NMT2: variants seen among roughly 807,000 people sequenced by gnomAD.
NMT2 encodes the protein glycylpeptide N-tetradecanoyltransferase 2.
NMT2 carries 35 observed loss-of-function variants against 65.4 expected under a neutral mutation model. That is an observed-to-expected ratio of 0.54 (90% CI 0.41 to 0.71). The LOEUF is 0.71. NMT2 is among the 30% of genes least tolerant of loss of function. NMT2 has a pLI of 0.00. For synonymous variants in NMT2, 226 were observed against 231.8 expected, an observed-to-expected ratio of 0.98 and a Z score of 0.23; for missense variants, 489 against 611.3, an observed-to-expected ratio of 0.80 and a Z score of 2.11.
intron 1 of NMT2, among the ~76,000 whole-genome samples, chr10:15,157,742 T>G (rs1317351345): frequency 3.3e-5 from 5 of 152,200 alleles, no homozygotes; most frequent in African/African-American, 1.2e-4. Context: ...AAATGTATGA[T>G]TTTAAAAAAA....
chr10:15,133,067 G>C lies in NMT2; in HGVS notation c.588C>G (p.Pro196=). 1.2e-6 allele frequency: 2 copies of C among 1,613,808 alleles called. No homozygotes were observed. The highest frequency in any genetic ancestry group is 1.7e-6 in the Non-Finnish European group (2 of 1,179,732). ...ATGAGACTTACCACAACAGGAACTCGGGTGAATAGTCAAATCGGAACATAT... is the reference window on the plus strand; with the variant it reads ...ATGAGACTTACCACAACAGGAACTCCGGTGAATAGTCAAATCGGAACATAT... The part of the protein sequence containing the change: ...DDNMFRFDYS[P]EFLLWALRPP... The change falls in exon 5 of 12, where the codon CCC becomes CCG. Residue 196 remains proline (P), a synonymous_variant. Coordinates refer to ENST00000378165, the MANE Select transcript of NMT2 (RefSeq NM_004808.3).
chr10:15,136,735 T>C (rs983137016), intron 2 of NMT2, among the ~76,000 whole-genome samples: 15 of 152,118 alleles, frequency 9.9e-5, no homozygotes, highest in Non-Finnish European at 2.1e-4. Flanking sequence ...TGTTGGAAAC[T>C]GGACTCCTTT....
At chr10:15,130,103 A>G (rs1316397623) in intron 7 of NMT2, 39 bp downstream of exon 7, 2 of 1,393,246 alleles carry the variant, frequency 1.4e-6, no homozygotes, top group Admixed American at 2.7e-5. Flanking sequence ...AACATTTTTG[A>G]TAAAGGGAGG....
At chr10:15,127,095 T>C (rs1846097151) in intron 8 of NMT2, among the ~76,000 whole-genome samples, 1 of 149,600 alleles carries the variant, frequency 6.7e-6, no homozygotes, top group South Asian at 2.1e-4. Flanking sequence ...ATCAGTTGGG[T>C]GTGGTGGCAC....
intron 2 of NMT2, chr10:15,141,169 A>C: frequency 1.2e-6 from 1 of 864,650 alleles, no homozygotes; most frequent in East Asian, 2.7e-5. Flanking sequence ...CGACAATCTA[A>C]ATACAAATTC....
intron 10 of NMT2, 86 bp from the exon 11 acceptor site, chr10:15,109,925 A>T: frequency 9.3e-7 from 1 of 1,076,206 alleles, no homozygotes; most frequent in Non-Finnish European, 1.3e-6. Context: ...TTCTACTAAT[A>T]GCTCGAATAT....
chr10:15,125,989 T>C (rs1190196791), intron 8 of NMT2, among the ~76,000 whole-genome samples: 4 of 151,482 alleles, frequency 2.6e-5, no homozygotes, highest in African/African-American at 9.7e-5. Context: ...AATTCACACG[T>C]CACAACACTT....
At chr10:15,130,576 T>C (rs1221722582) in intron 6 of NMT2, among the ~76,000 whole-genome samples, 1 of 151,700 alleles carries the variant, frequency 6.6e-6, no homozygotes, top group Non-Finnish European at 1.5e-5. Flanking sequence ...TGTTGCCGCA[T>C]GCATGTGGTC....
At chr10:15,145,160 G>A (rs1846919499) in intron 1 of NMT2, among the ~76,000 whole-genome samples, 1 of 152,212 alleles carries the variant, frequency 6.6e-6, no homozygotes, top group Admixed American at 6.5e-5. Flanking sequence ...CAAGGACCAT[G>A]TATTGTATAA....
chr10:15,112,666 A>C, intron 10 of NMT2, 130 bp downstream of exon 10: 1 of 836,288 alleles, frequency 1.2e-6, no homozygotes, highest in Non-Finnish European at 1.8e-6. Flanking sequence ...CCTTTGACTG[A>C]TGATCAATAG....
intron 9 of NMT2, among the ~76,000 whole-genome samples, chr10:15,116,805 C>T (rs1014272552): frequency 1.1e-4 from 16 of 152,152 alleles, no homozygotes; most frequent in African/African-American, 3.9e-4. Context: ...TACACTCATA[C>T]ATTCAACAAT....
intron 1 of NMT2, among the ~76,000 whole-genome samples, chr10:15,143,747 G>A (rs59432801): frequency 0.049 from 7,456 of 152,196 alleles, 594 homozygotes; most frequent in African/African-American, 0.17. Flanking sequence ...TGTGGTGCCA[G>A]CTACTTGGGA....
chr10:15,123,678 G>A (rs1428568288), intron 8 of NMT2, among the ~76,000 whole-genome samples: 1 of 152,164 alleles, frequency 6.6e-6, no homozygotes, highest in Non-Finnish European at 1.5e-5. Flanking sequence ...TAGTGAAGCG[G>A]TCATGTTTTC....
chr10:15,138,004 CTT>C (rs374744946), intron 2 of NMT2, among the ~76,000 whole-genome samples: 15 of 128,098 alleles, frequency 1.2e-4, no homozygotes, highest in Admixed American at 2.5e-4. Context: ...TCTTCTTCTT[CTT>C]TTTTTTTTTT....
chr10:15,136,695 G>T (rs1846520759), intron 2 of NMT2, among the ~76,000 whole-genome samples: 1 of 152,100 alleles, frequency 6.6e-6, no homozygotes, highest in Admixed American at 6.5e-5. Flanking sequence ...CAGATCCTGG[G>T]CAACCATAGC....
chr10:15,147,519 T>C lies in NMT2; in HGVS notation c.111-5962A>G, dbSNP rs142261855. Reference sequence around the variant, plus strand: ...CATGATAGTAAAGAAACTTGATATATAATAAAGATCACATCATAAATCAGT... The same window carrying C: ...CATGATAGTAAAGAAACTTGATATACAATAAAGATCACATCATAAATCAGT... On this transcript the variant is annotated intron_variant, in intron 1 of 11. Coordinates refer to ENST00000378165, the MANE Select transcript of NMT2 (RefSeq NM_004808.3). Among the ~76,000 whole-genome samples, 426 of 151,964 alleles carry C rather than the reference T, an allele frequency of 2.8e-3. 1 individual carries two copies. Among genetic ancestry groups the C allele is most frequent in the African/African-American group, 9.9e-3 (409 of 41,388 alleles).
chr10:15,159,619 G>T (rs1009392505), intron 1 of NMT2, among the ~76,000 whole-genome samples: 1 of 152,100 alleles, frequency 6.6e-6, no homozygotes, highest in Admixed American at 6.6e-5. Flanking sequence ...GTAGAGATGG[G>T]GTTTCACCAT....
chr10:15,149,583 CCACCATCATCACCAT>C (rs1166693334), intron 1 of NMT2, among the ~76,000 whole-genome samples: 1 of 139,388 alleles, frequency 7.2e-6, no homozygotes, highest in Non-Finnish European at 1.6e-5. Flanking sequence ...ACCATCATCA[CCACCATCATCACCAT>C]CACCATCATA....
chr10:15,108,190 T>G lies in NMT2; in HGVS notation c.*1005A>C, dbSNP rs1176378362. On this transcript the variant is annotated 3_prime_UTR_variant, in exon 12 of 12. Coordinates refer to ENST00000378165, the MANE Select transcript of NMT2 (RefSeq NM_004808.3). ...TTAGTCGCGGGTACAGGCTCTTTCT[T>G]TTTTTTTTTTTTTGAGACGGAGTCT... 4 of 594,738 alleles carry G rather than the reference T, an allele frequency of 6.7e-6. No individual in the cohort carries two copies. Among genetic ancestry groups the G allele is most frequent in the African/African-American group, 2.0e-5 (1 of 50,566 alleles). The allele number at this position is 594,738 out of a possible 1,614,324, so 36.8% of individuals were successfully genotyped here. A position where few individuals can be genotyped will look rare whatever the true frequency, so the allele number is the denominator to read the frequency against.
Sources: allele counts gnomAD v4.1 joint callset (sites outside exome capture counted in the v4.1 genomes callset), GRCh38; gene constraint gnomAD v4.1.1; transcripts MANE v1.5; gene names NCBI Gene and HGNC (gene_info 2026-07-23, HGNC 2026-07-21).